The following MBNL1 variants were observed in gnomAD, a reference collection of about 807,000 sequenced individuals.
The protein encoded by MBNL1 is muscleblind like splicing regulator 1, also known as muscleblind-like protein 1.
In MBNL1, 8 loss-of-function variants were observed where a neutral mutation model predicts 42.2. The ratio of observed to expected loss-of-function variants is 0.19; its 90% CI spans 0.11 to 0.34. The LOEUF is 0.34. Ranked by LOEUF, MBNL1 falls within the 10% of genes least tolerant of loss-of-function variation. The pLI, the probability that MBNL1 is intolerant of heterozygous loss-of-function variation, is 1.00. For synonymous variants in MBNL1, 169 were observed against 173.9 expected (o/e 0.97, Z 0.22); for missense variants, 309 against 495.3 (o/e 0.62, Z 3.57).
chr3:152,455,448 G>T, intron 6 of MBNL1, 94 bp from the exon 7 acceptor site: 2 of 1,020,174 alleles, frequency 2.0e-6, no homozygotes, highest in African/African-American at 3.2e-5. Context: ...TTTCTTCTTT[G>T]TTCAAATGAA....
intron 2 of MBNL1, among the ~76,000 whole-genome samples, chr3:152,317,434 C>T (rs563548532): frequency 5.2e-4 from 79 of 152,196 alleles, no homozygotes; most frequent in African/African-American, 1.9e-3. Context: ...ATTCTCCCGC[C>T]TCAATCTCCT....
chr3:152,325,056 T>C (rs1311397889), intron 2 of MBNL1, among the ~76,000 whole-genome samples: 1 of 136,142 alleles, frequency 7.3e-6, no homozygotes, highest in Non-Finnish European at 1.5e-5. Flanking sequence ...AAATGACTTC[T>C]TTTGATGTTC....
chr3:152,269,822 T>C (rs564000530), intron 1 of MBNL1: 1 of 165,066 alleles, frequency 6.1e-6, no homozygotes, highest in Admixed American at 6.5e-5. Context: ...TTGGTTGAAT[T>C]GCTTTCATGA....
chr3:152,387,418 A>T (rs1231098465), intron 2 of MBNL1, among the ~76,000 whole-genome samples: 1 of 152,162 alleles, frequency 6.6e-6, no homozygotes, highest in Non-Finnish European at 1.5e-5. Flanking sequence ...TTAAAATATT[A>T]AAATCAAATT....
chr3:152,275,112 T>G (rs2044183051), intron 1 of MBNL1, among the ~76,000 whole-genome samples: 1 of 152,218 alleles, frequency 6.6e-6, no homozygotes, highest in Non-Finnish European at 1.5e-5. Context: ...TGTTTCTGTG[T>G]TGTTTGATTA....
At chr3:152,437,661 TATATC>T (rs1186009974) in intron 4 of MBNL1, among the ~76,000 whole-genome samples, 1 of 152,162 alleles carries the variant, frequency 6.6e-6, no homozygotes, top group Non-Finnish European at 1.5e-5. Flanking sequence ...ATATATTACA[TATATC>T]ACATATACAC....
chr3:152,359,558 A>C (rs1043515936), intron 2 of MBNL1, among the ~76,000 whole-genome samples: 3 of 152,202 alleles, frequency 2.0e-5, no homozygotes, highest in Non-Finnish European at 4.4e-5. Flanking sequence ...ATGTGGAGGT[A>C]AGAAGAGATG....
At chr3:152,441,705 A>G (rs1014045978) in intron 4 of MBNL1, among the ~76,000 whole-genome samples, 1 of 152,240 alleles carries the variant, frequency 6.6e-6, no homozygotes, top group African/African-American at 2.4e-5. Context: ...TAGTATTTGT[A>G]AAGTAAAAGG....
At chr3:152,389,090 C>A (rs1048747529) in intron 2 of MBNL1, among the ~76,000 whole-genome samples, 10 of 151,998 alleles carry the variant, frequency 6.6e-5, no homozygotes, top group African/African-American at 2.2e-4. Context: ...TACAGTCATG[C>A]ATCTCTTTTT....
chr3:152,320,894 A>C (rs1270913417), intron 2 of MBNL1, among the ~76,000 whole-genome samples: 1 of 151,752 alleles, frequency 6.6e-6, no homozygotes, highest in Non-Finnish European at 1.5e-5. Context: ...ATTTCTCTAT[A>C]CTCTAATTTT....
rs535979286 is a variant in MBNL1 at position 152,289,482 on chromosome 3, C to A, written c.-789-9923C>A. ...GTCAATGCATGTCTTTGTTTTGTGG[C>A]GTATCTTAGTCTTTTAAACCAGGGA... is the stretch of plus-strand genomic sequence containing the variant. On this transcript the variant is annotated intron_variant, in intron 1 of 9. Coordinates refer to ENST00000324210, the MANE Select transcript of MBNL1 (RefSeq NM_021038.5). 2.6e-5 allele frequency among the ~76,000 whole-genome samples: 4 copies of A among 151,860 alleles called. No individual in the cohort carries two copies. The South Asian group carries it at 8.3e-4, about 32-fold the overall frequency.
intron 3 of MBNL1, among the ~76,000 whole-genome samples, chr3:152,425,392 G>A (rs2098908690): frequency 6.6e-6 from 1 of 151,924 alleles, no homozygotes; most frequent in African/African-American, 2.4e-5. Context: ...GGGAGGCCAG[G>A]GCAGCCGAGA....
chr3:152,347,083 G>A (rs745783822), intron 2 of MBNL1, among the ~76,000 whole-genome samples: 1 of 151,898 alleles, frequency 6.6e-6, no homozygotes, highest in Admixed American at 6.6e-5. Context: ...TTGAGAGATT[G>A]AGCTCATGCT....
chr3:152,410,722 A>G (rs2098546313), intron 2 of MBNL1, among the ~76,000 whole-genome samples: 1 of 152,248 alleles, frequency 6.6e-6, no homozygotes, highest in Admixed American at 6.5e-5. Flanking sequence ...TCCAAAAGTA[A>G]GATTTCAGTG....
intron 2 of MBNL1, among the ~76,000 whole-genome samples, chr3:152,250,951 G>A (rs1000320611): frequency 3.9e-5 from 6 of 151,954 alleles, no homozygotes; most frequent in Non-Finnish European, 8.8e-5. Context: ...TAAAATACTC[G>A]CAAACTGAAT....
At chr3:152,407,073 T>TGTGTGTGTGTG (rs57861310) in intron 2 of MBNL1, among the ~76,000 whole-genome samples, 20,159 of 148,704 alleles carry the variant, frequency 0.14, 1,529 homozygotes, top group Middle Eastern at 0.16. Context: ...GTGTGTGTGT[T>TGTGTGTGTGTG]TGTGTGAACT....
chr3:152,288,326 G>T (rs2053814210), intron 1 of MBNL1, among the ~76,000 whole-genome samples: 1 of 152,144 alleles, frequency 6.6e-6, no homozygotes, highest in Non-Finnish European at 1.5e-5. Context: ...AGAAGTGCAT[G>T]CTGCTTCAGG....
rs184384924 is a variant in MBNL1, at chr3:152,304,715, A to G, written c.174+4348A>G. Among the ~76,000 whole-genome samples, 3 of 152,348 alleles carry G rather than the reference A, an allele frequency of 2.0e-5. No individual in the cohort carries two copies. In the East Asian group the frequency reaches 5.8e-4, roughly 29 times the overall value. On this transcript the variant is annotated intron_variant, in intron 2 of 9. Transcript: ENST00000324210. ...GTATGTTTCATATAAAAGGTCCCTA[A>G]GGAGAAACTTCACAACTTTGTAAAG...
At chr3:152,285,184 G>C (rs1314006141) in intron 1 of MBNL1, among the ~76,000 whole-genome samples, 2 of 152,160 alleles carry the variant, frequency 1.3e-5, no homozygotes, top group East Asian at 3.8e-4. Context: ...CAATGCAGTA[G>C]TGGTACCTCC....
Sources: allele counts gnomAD v4.1 joint callset (sites outside exome capture counted in the v4.1 genomes callset), GRCh38; gene constraint gnomAD v4.1.1; transcripts MANE v1.5; gene names NCBI Gene and HGNC (gene_info 2026-07-23, HGNC 2026-07-21).